Variants in PRIM2 observed in about 807,000 individuals in gnomAD.
PRIM2 encodes the protein DNA primase large subunit.
Under a neutral mutation model 67.3 loss-of-function variants are expected in PRIM2, and 39 were observed. The observed-to-expected ratio is 0.58, with a 90% confidence interval of 0.45 to 0.76. The LOEUF is 0.76. Among genes scored for constraint, PRIM2 ranks in the 30% least tolerant of loss-of-function variants. PRIM2 has a pLI of 0.00. For missense variants in PRIM2, 398 were observed against 598.7 expected (o/e 0.66, Z 3.50); for synonymous variants, 143 against 198.7 (o/e 0.72, Z 2.36).
chr6:57,384,344 C>T (rs1164586584), intron 7 of PRIM2, among the ~76,000 whole-genome samples: 1 of 152,166 alleles, frequency 6.6e-6, no homozygotes, highest in African/African-American at 2.4e-5. Context: ...ACATGGCATT[C>T]ACCCTGCATG....
intron 10 of PRIM2, among the ~76,000 whole-genome samples, chr6:57,561,496 G>A (rs1775628981): frequency 6.6e-6 from 1 of 152,212 alleles, no homozygotes; most frequent in Non-Finnish European, 1.5e-5. Flanking sequence ...GCCTCCCAAA[G>A]TGCTAGGATC....
intron 7 of PRIM2, among the ~76,000 whole-genome samples, chr6:57,489,068 G>A (rs1481584988): frequency 6.6e-6 from 1 of 152,212 alleles, no homozygotes; most frequent in Non-Finnish European, 1.5e-5. Flanking sequence ...TCCTTATGTG[G>A]CTGTGCAAGG....
chr6:57,384,866 C>A (rs7766917), intron 7 of PRIM2, among the ~76,000 whole-genome samples: 1 of 152,146 alleles, frequency 6.6e-6, no homozygotes, highest in Non-Finnish European at 1.5e-5. Context: ...TATGAAAATG[C>A]ATCTGAAATT....
At chr6:57,337,520 A>G (rs1341895203) in intron 5 of PRIM2, among the ~76,000 whole-genome samples, 2 of 152,024 alleles carry the variant, frequency 1.3e-5, no homozygotes, top group Non-Finnish European at 2.9e-5. Flanking sequence ...CTCTCAGACC[A>G]CAGTGCAATC....
chr6:57,538,222 C>T (rs1435879188), intron 10 of PRIM2, among the ~76,000 whole-genome samples: 1 of 152,032 alleles, frequency 6.6e-6, no homozygotes, highest in Non-Finnish European at 1.5e-5. Flanking sequence ...TGGAGTCTCA[C>T]TATGTTGCCC....
At chr6:57,547,629 T>G in intron 10 of PRIM2, among the ~76,000 whole-genome samples, 1 of 152,348 alleles carries the variant, frequency 6.6e-6, no homozygotes, top group South Asian at 2.1e-4. Context: ...CCTGTCAGAT[T>G]GCTCATAGTG....
intron 6 of PRIM2, among the ~76,000 whole-genome samples, chr6:57,381,313 T>G (rs1193283851): frequency 6.6e-6 from 1 of 152,222 alleles, no homozygotes; most frequent in African/African-American, 2.4e-5. Context: ...ATAGGCAATT[T>G]GGGAATCATT....
the PRIM2 span, among the ~76,000 whole-genome samples, chr6:57,274,090 A>G: frequency 6.6e-6 from 1 of 152,220 alleles, no homozygotes; most frequent in East Asian, 1.9e-4. Context: ...CCACTTGAGG[A>G]GGCAGTCTGC....
chr6:57,311,102 C>T (rs1305200393), upstream of PRIM2, among the ~76,000 whole-genome samples: 12 of 133,682 alleles, frequency 9.0e-5, no homozygotes, highest in East Asian at 4.8e-4. Flanking sequence ...GGGTGGTGGC[C>T]GGGCAGAGAT....
chr6:57,300,628 A>G, the PRIM2 span, among the ~76,000 whole-genome samples: 1 of 152,126 alleles, frequency 6.6e-6, no homozygotes, highest in African/African-American at 2.4e-5. Flanking sequence ...TCAAATGACC[A>G]CATTTTTCAA....
At chr6:57,339,325 T>C (rs1768386527) in intron 5 of PRIM2, among the ~76,000 whole-genome samples, 1 of 152,114 alleles carries the variant, frequency 6.6e-6, no homozygotes, top group African/African-American at 2.4e-5. Flanking sequence ...AAGCTGCCAA[T>C]GACTTTCTTC....
rs1428510841 is a variant in PRIM2 at position 57,618,750 on chromosome 6, C to T, written c.1230+12293C>T. Among the ~76,000 whole-genome samples, 428 of 152,244 alleles carry T rather than the reference C, an allele frequency of 2.8e-3. 1 individual carries two copies. The highest frequency in any genetic ancestry group is 9.6e-3 in the African/African-American group (400 of 41,520). On this transcript the variant is annotated intron_variant, in intron 12 of 13. Transcript: ENST00000615550. ...AGTGACCTGGGAATCTCACCCCGTC[C>T]CCCACAGCAGCCACAGCAAGACCCA...
rs1192133075 is a variant in PRIM2, at chr6:57,459,353, A to C, written c.694-48034A>C. Among the ~76,000 whole-genome samples the C allele has an allele frequency of 1.2e-3, 190 of 152,238 alleles. 4 individuals carry two copies. In the East Asian group the frequency reaches 0.016, roughly 13 times the overall value. ...ATTCAAGTGCATGATTACTTGTTAA[A>C]AACCTCATAGAAAGGAATCAGCTGT... On this transcript the variant is annotated intron_variant, in intron 7 of 13. Coordinates refer to ENST00000615550, the MANE Select transcript of PRIM2 (RefSeq NM_000947.5).
At chr6:57,514,553 G>A (rs1554348031) in intron 8 of PRIM2, among the ~76,000 whole-genome samples, 3 of 152,102 alleles carry the variant, frequency 2.0e-5, no homozygotes, top group African/African-American at 7.2e-5. Flanking sequence ...AGCAGCACAA[G>A]CTTTTATAGT....
At chr6:57,226,009 A>T in the PRIM2 span, among the ~76,000 whole-genome samples, 49 of 152,168 alleles carry the variant, frequency 3.2e-4, no homozygotes, top group African/African-American at 1.1e-3. Flanking sequence ...TAGTATCCTC[A>T]TCTATAGTAA....
intron 10 of PRIM2, among the ~76,000 whole-genome samples, chr6:57,578,745 C>G (rs1776016801): frequency 6.8e-6 from 1 of 146,794 alleles, no homozygotes; most frequent in Non-Finnish European, 1.5e-5. Context: ...GGCGCGATCT[C>G]GGCTCACTGC....
intron 10 of PRIM2, among the ~76,000 whole-genome samples, chr6:57,549,498 A>AT (rs1410278466): frequency 2.0e-5 from 3 of 151,942 alleles, no homozygotes; most frequent in Non-Finnish European, 4.4e-5. Flanking sequence ...AACAATAGAG[A>AT]TTTTTCAGTT....
intron 5 of PRIM2, among the ~76,000 whole-genome samples, chr6:57,362,153 C>T (rs1222263380): frequency 6.6e-6 from 1 of 152,112 alleles, no homozygotes; most frequent in African/African-American, 2.4e-5. Context: ...TTTTCAGTTA[C>T]AAATATATAT....
the PRIM2 span, among the ~76,000 whole-genome samples, chr6:57,253,536 G>A: frequency 6.6e-6 from 1 of 151,760 alleles, no homozygotes; most frequent in East Asian, 1.9e-4. Context: ...TTGTGCAGAG[G>A]GCTGCTCCCA....
Sources: allele counts gnomAD v4.1 joint callset (sites outside exome capture counted in the v4.1 genomes callset), GRCh38; gene constraint gnomAD v4.1.1; transcripts MANE v1.5; gene names NCBI Gene and HGNC (gene_info 2026-07-23, HGNC 2026-07-21).